Variants in MYH15 observed in about 807,000 individuals in gnomAD.
The protein encoded by MYH15 is myosin-15.
In MYH15, 227 loss-of-function variants were observed where a neutral mutation model predicts 240.5. That is an observed-to-expected ratio of 0.94 (90% CI 0.85 to 1.05). MYH15 has a LOEUF of 1.05. Among genes scored for constraint, MYH15 ranks in the 50% least tolerant of loss-of-function variants. MYH15 has a pLI of 0.00. For synonymous variants in MYH15, 785 were observed against 796.7 expected (o/e 0.99, Z 0.25); for missense variants, 2,217 against 2,247.5 (o/e 0.99, Z 0.27).
intron 2 of MYH15, among the ~76,000 whole-genome samples, chr3:108,504,723 G>C (rs1006289852): frequency 3.3e-5 from 5 of 152,158 alleles, no homozygotes; most frequent in Non-Finnish European, 7.4e-5. Context: ...CGGGGTGGCA[G>C]GTAATGTGAA....
At chr3:108,383,287 C>T (rs1417153763) in intron 40 of MYH15, among the ~76,000 whole-genome samples, 1 of 152,190 alleles carries the variant, frequency 6.6e-6, no homozygotes, top group Non-Finnish European at 1.5e-5. Context: ...AACTTTGTTC[C>T]ATGGACTCCT....
At chr3:108,486,391 C>A (rs371557361) in intron 10 of MYH15, 32 bp downstream of exon 10, 103 of 1,529,698 alleles carry the variant, frequency 6.7e-5, no homozygotes, top group Non-Finnish European at 8.7e-5. Context: ...TTGCCATTAC[C>A]AGATTTTGCT....
chr3:108,438,726 C>T (rs1192814850), intron 24 of MYH15, among the ~76,000 whole-genome samples: 2 of 152,168 alleles, frequency 1.3e-5, no homozygotes, highest in South Asian at 2.1e-4. Context: ...TAGACACCAA[C>T]TCTGCTGGTA....
intron 31 of MYH15, among the ~76,000 whole-genome samples, 181 bp downstream of exon 31, chr3:108,410,402 T>C (rs567471541): frequency 1.1e-4 from 17 of 152,274 alleles, no homozygotes; most frequent in Admixed American, 5.9e-4. Flanking sequence ...GTCTTACTTT[T>C]AGAATTAATT....
rs752722233 is a variant in MYH15, at chr3:108,441,102, T to C, written c.2814A>G (p.Glu938=). 6.2e-7 allele frequency: 1 copy of C among 1,614,136 alleles called. No individual in the cohort carries two copies. The highest frequency in any genetic ancestry group is 8.5e-7 in the Non-Finnish European group (1 of 1,179,986). ...LTARGRKLED[E]CFELKKEIDD... is the part of the protein sequence containing the mutation. ...CGATTTCTTTCTTCAACTCAAAACA[T>C]TCATCTTCGAGTTTCCGCCCCCTGG... is the stretch of plus-strand genomic sequence containing the variant. Residue 938 remains glutamate, a synonymous_variant, in exon 23 of 41, where the codon GAA becomes GAG. Transcript: ENST00000693548.
intron 6 of MYH15, among the ~76,000 whole-genome samples, chr3:108,497,049 T>A (rs1193971768): frequency 6.7e-6 from 1 of 149,858 alleles, no homozygotes; most frequent in Non-Finnish European, 1.5e-5. Flanking sequence ...TAGTCCCAGC[T>A]GCTCAGAAGG....
intron 7 of MYH15, among the ~76,000 whole-genome samples, chr3:108,495,489 A>C (rs1412903367): frequency 1.3e-5 from 2 of 152,166 alleles, no homozygotes; most frequent in Non-Finnish European, 2.9e-5. Flanking sequence ...CATTATTATA[A>C]TTTTTTGGAT....
In MYH15 at chr3:108,499,612, T is replaced by C. The variant is rs1362368692; in HGVS notation, c.497-130A>G. 24 of 887,830 alleles carry C rather than the reference T, an allele frequency of 2.7e-5. No individual in the cohort carries two copies. The East Asian group carries it at 6.0e-4, about 22-fold the overall frequency. The allele number at this position is 887,830 out of a possible 1,614,324, so 55.0% of individuals were successfully genotyped here. The stretch of plus-strand genomic sequence containing the variant: ...GGGAAAGGATTAGCATCATTTATAG[T>C]TAGAAAAACATACCCCTCAAATGGT... On this transcript the variant is annotated intron_variant, in intron 4 of 40. Transcript: ENST00000693548.
At chr3:108,492,201 TACAC>T (rs10662107) in intron 9 of MYH15, among the ~76,000 whole-genome samples, 5 of 147,926 alleles carry the variant, frequency 3.4e-5, no homozygotes, top group Non-Finnish European at 3.0e-5. Context: ...AATGCTTTTA[TACAC>T]ACACACACAC....
chr3:108,388,119 C>T (rs574300906), intron 38 of MYH15, among the ~76,000 whole-genome samples: 6 of 152,014 alleles, frequency 3.9e-5, no homozygotes, highest in African/African-American at 1.4e-4. Flanking sequence ...AGATAGCTTA[C>T]TGTCCAGTGT....
Position 108,430,883 on chromosome 3 carries a change from C to A in MYH15, c.3261G>T (p.Glu1087Asp). Residue 1087 changes from glutamate (E) to aspartate (D), a missense_variant, in exon 26 of 41, where the codon GAG becomes GAT. Glu to Asp is a conservative substitution (Grantham distance 45). Coordinates refer to ENST00000693548, the MANE Select transcript of MYH15 (RefSeq NM_014981.3). Reference sequence around the variant, plus strand: ...GCTGAGCTACCAGGCCTTTCTCATTCTCCACTTTTGAATTCATCTGACTCA... The same window carrying A: ...GCTGAGCTACCAGGCCTTTCTCATTATCCACTTTTGAATTCATCTGACTCA... ...LELSQMNSKVENEKGLVAQLQ... is the reference protein window; with the variant it reads ...LELSQMNSKVDNEKGLVAQLQ... 6.2e-7 allele frequency: 1 copy of A among 1,612,560 alleles called. No homozygotes were observed. The highest frequency in any genetic ancestry group is 8.5e-7 in the Non-Finnish European group (1 of 1,179,734).
chr3:108,422,337 C>G (rs904403439), intron 27 of MYH15, among the ~76,000 whole-genome samples: 10 of 151,928 alleles, frequency 6.6e-5, no homozygotes, highest in African/African-American at 2.2e-4. Context: ...CCTGCCTCAG[C>G]CCCCTGAGTA....
At chr3:108,546,554 G>T in the MYH15 span, among the ~76,000 whole-genome samples, 1 of 152,092 alleles carries the variant, frequency 6.6e-6, no homozygotes, top group Admixed American at 6.6e-5. Context: ...GTAGTGGACA[G>T]AATGTAAAAA....
At chr3:108,503,102 C>T (rs1241981721) in intron 2 of MYH15, among the ~76,000 whole-genome samples, 1 of 152,046 alleles carries the variant, frequency 6.6e-6, no homozygotes, top group Non-Finnish European at 1.5e-5. Context: ...AATCCTGGAG[C>T]CAGGGAGATA....
intron 1 of MYH15, among the ~76,000 whole-genome samples, chr3:108,524,938 CAAG>C (rs1420466718): frequency 6.6e-6 from 1 of 151,936 alleles, no homozygotes; most frequent in East Asian, 1.9e-4. Context: ...TGGGAAGAAA[CAAG>C]AAGAAGAAAA....
At chr3:108,543,174 A>T in the MYH15 span, among the ~76,000 whole-genome samples, 1 of 152,104 alleles carries the variant, frequency 6.6e-6, no homozygotes, top group South Asian at 2.1e-4. Context: ...CCACCGCACC[A>T]GGTCAATCTC....
intron 14 of MYH15, among the ~76,000 whole-genome samples, chr3:108,467,700 A>G (rs1346219050): frequency 1.3e-5 from 2 of 152,236 alleles, no homozygotes; most frequent in Non-Finnish European, 2.9e-5. Context: ...GAGAGTATTT[A>G]TTAGGAAATA....
intron 21 of MYH15, among the ~76,000 whole-genome samples, chr3:108,453,445 G>A (rs1337209890): frequency 1.3e-5 from 2 of 152,172 alleles, no homozygotes; most frequent in Admixed American, 6.6e-5. Context: ...CCTTTGTTTG[G>A]AGATTTTGCT....
rs2082871976 is a variant in MYH15 at position 108,439,897 on chromosome 3, T to C, written c.2915A>G (p.Glu972Gly). 3.1e-6 allele frequency: 5 copies of C among 1,598,940 alleles called. No individual in the cohort carries two copies. Among genetic ancestry groups the C allele is most frequent in the South Asian group, 1.1e-5 (1 of 87,860 alleles). The change falls in exon 24 of 41, where the codon GAG becomes GGG. Residue 972 changes from glutamate (E) to glycine (G), a missense_variant. Physicochemically the swap from Glu to Gly is moderately conservative, Grantham distance 98. Coordinates refer to ENST00000693548, the MANE Select transcript of MYH15 (RefSeq NM_014981.3). ...ATCCTCATTTAGAAACTCTACTTCC[T>C]CAGTCAAGTTCTTGACCTGTGGGAA... ...TTEHKVKNLT[E>G]EVEFLNEDIS... is the part of the protein sequence containing the mutation.
Sources: gnomAD v4.1 joint callset for allele counts (sites outside exome capture counted in the v4.1 genomes callset) on GRCh38, gnomAD v4.1.1 for gene constraint, MANE v1.5 for transcripts, NCBI Gene and HGNC (gene_info 2026-07-23, HGNC 2026-07-21) for gene names.